Variants in PLAA observed in about 807,000 individuals in gnomAD.
PLAA encodes the protein phospholipase A2 activating protein.
A neutral mutation model predicts 84.1 loss-of-function variants in PLAA; 48 were observed. The observed-to-expected ratio is 0.57, with a 90% CI of 0.45 to 0.73. The LOEUF (loss-of-function observed/expected upper bound fraction) is 0.73, where lower values mean the gene tolerates loss of function less well. Ranked by LOEUF, PLAA falls within the 30% of genes least tolerant of loss-of-function variation. The probability of loss-of-function intolerance (pLI) is 0.00; values close to 1 mark genes in which losing one functional copy is unlikely to be tolerated. For missense variants in PLAA, 903 were observed against 954.7 expected (o/e 0.95, Z 0.71); for synonymous variants, 392 against 336.6 (o/e 1.16, Z -1.80).
At chr9:26,922,681 T>G (rs1280447372) in intron 7 of PLAA, among the ~76,000 whole-genome samples, 1 of 151,862 alleles carries the variant, frequency 6.6e-6, no homozygotes, top group Non-Finnish European at 1.5e-5. Flanking sequence ...TTTTTTTTTT[T>G]TTTGAGACAG....
At chr9:26,942,820 A>C (rs745428344) in intron 1 of PLAA, among the ~76,000 whole-genome samples, 4 of 144,672 alleles carry the variant, frequency 2.8e-5, no homozygotes, top group Non-Finnish European at 6.0e-5. Context: ...CGGGGCTTGC[A>C]GTGAGCCGAG....
intron 2 of PLAA, among the ~76,000 whole-genome samples, chr9:26,932,125 G>C (rs1194103993): frequency 6.6e-6 from 1 of 152,066 alleles, no homozygotes; most frequent in African/African-American, 2.4e-5. Context: ...AAACAAAACA[G>C]ATGTGGACCT....
At chr9:26,909,871 G>A (rs938435402) in intron 12 of PLAA, among the ~76,000 whole-genome samples, 24 of 152,230 alleles carry the variant, frequency 1.6e-4, no homozygotes, top group Admixed American at 1.4e-3. Flanking sequence ...CAGTCCGCCC[G>A]CCTTGGCCTC....
At chr9:26,922,455 T>C (rs1290575627) in intron 7 of PLAA, among the ~76,000 whole-genome samples, 1 of 151,984 alleles carries the variant, frequency 6.6e-6, no homozygotes, top group African/African-American at 2.4e-5. Flanking sequence ...AAATAATATC[T>C]AGTATTACAA....
At position 26,905,493 on chromosome 9, in the gene PLAA, C is replaced by T. The variant is rs749584113; in HGVS notation, c.*18G>A. ...AAAACACTAATCAATTAAAAATATC[C>T]GTCCCTCTTCCCCACTGCTACAGCA... On this transcript the variant is annotated 3_prime_UTR_variant, in exon 14 of 14. Transcript: ENST00000397292. The T allele has an allele frequency of 1.3e-5, 20 of 1,529,066 alleles. No homozygotes were observed. Among genetic ancestry groups the T allele is most frequent in the Admixed American group, 3.8e-5 (2 of 52,010 alleles). The allele number at this position is 1,529,066 out of a possible 1,614,324, so 94.7% of individuals were successfully genotyped here.
In PLAA at chr9:26,919,306, T is replaced by C. The variant is rs1207860422; in HGVS notation, c.1417+4A>G. On this transcript the variant is annotated splice_donor_region_variant and intron_variant, in intron 9 of 13. Transcript: ENST00000397292. The stretch of plus-strand genomic sequence containing the variant: ...CATAAGACTCAATATAAACACTAAC[T>C]TACCTGTAAATGGATCTGAAAAGCT... 1.9e-6 allele frequency: 3 copies of C among 1,589,212 alleles called. No individual in the cohort carries two copies. The highest frequency in any genetic ancestry group is 2.6e-6 in the Non-Finnish European group (3 of 1,161,748).
Position 26,915,966 on chromosome 9 carries a change from C to A in PLAA, c.1486+1131G>T, listed in dbSNP as rs1309073574. ...TTATCTACTCTTCAGATCCTTACTA[C>A]CATTTGAAATCACATTATGTTATCA... On this transcript the variant is annotated intron_variant, in intron 10 of 13. Coordinates refer to ENST00000397292, the MANE Select transcript of PLAA (RefSeq NM_001031689.3). 4.1e-6 allele frequency: 4 copies of A among 985,286 alleles called. No individual in the cohort carries two copies. In the African/African-American group the frequency reaches 7.0e-5, roughly 17 times the overall value. 61.0% of individuals were successfully genotyped at this position (985,286 alleles called of 1,614,324 possible).
rs532208435 is a variant in PLAA at position 26,903,806 on chromosome 9, T to C, written c.*1705A>G. Among the ~76,000 whole-genome samples the C allele has an allele frequency of 4.6e-5, 7 of 152,178 alleles. No homozygotes were observed. The highest frequency in any genetic ancestry group is 8.8e-5 in the Non-Finnish European group (6 of 68,018). On this transcript the variant is annotated 3_prime_UTR_variant, in exon 14 of 14. Transcript: ENST00000397292. ...ACAGTAATAGGAAGCAGTGTTTACATTTTGCCACCCCTTACATTTTGAAGA... is the reference window on the plus strand; with the variant it reads ...ACAGTAATAGGAAGCAGTGTTTACACTTTGCCACCCCTTACATTTTGAAGA...
At chr9:26,911,825 A>G (rs779129514) in intron 11 of PLAA, among the ~76,000 whole-genome samples, 12 of 152,264 alleles carry the variant, frequency 7.9e-5, no homozygotes, top group Non-Finnish European at 1.6e-4. Context: ...AAAAATATGA[A>G]TAAAAGATTT....
At chr9:26,919,560 G>T in intron 8 of PLAA, 31 bp from the exon 9 acceptor site, 1 of 1,140,638 alleles carries the variant, frequency 8.8e-7, no homozygotes, top group Non-Finnish European at 1.3e-6. Context: ...GGAGATACAT[G>T]CTTATTATCT....
chr9:26,943,998 T>TC (rs1441795046), intron 1 of PLAA, among the ~76,000 whole-genome samples: 1 of 152,046 alleles, frequency 6.6e-6, no homozygotes, highest in Non-Finnish European at 1.5e-5. Flanking sequence ...CCTGAACGTG[T>TC]CCCCCAAAGT....
intron 1 of PLAA, 117 bp from the exon 2 acceptor site, chr9:26,935,323 T>C: frequency 1.9e-6 from 1 of 524,418 alleles, no homozygotes; most frequent in South Asian, 4.3e-5. Flanking sequence ...GTATATACTA[T>C]CTTAAGAATC....
chr9:26,941,303 T>C (rs976328660), intron 1 of PLAA, among the ~76,000 whole-genome samples: 2 of 152,056 alleles, frequency 1.3e-5, no homozygotes, highest in African/African-American at 4.8e-5. Flanking sequence ...GACATAAGGA[T>C]AGTTGAGTCT....
At chr9:26,939,671 A>G (rs1825470365) in intron 1 of PLAA, among the ~76,000 whole-genome samples, 1 of 152,044 alleles carries the variant, frequency 6.6e-6, no homozygotes, top group Admixed American at 6.5e-5. Context: ...TTTAGATCCA[A>G]AGACACAAAT....
At chr9:26,934,737 C>T (rs1825304304) in intron 2 of PLAA, among the ~76,000 whole-genome samples, 1 of 152,060 alleles carries the variant, frequency 6.6e-6, no homozygotes, top group Non-Finnish European at 1.5e-5. Flanking sequence ...TCTCACCCTC[C>T]CAAAGTGCTG....
intron 12 of PLAA, among the ~76,000 whole-genome samples, chr9:26,909,615 TTC>T (rs962822259): frequency 2.0e-5 from 3 of 150,600 alleles, no homozygotes; most frequent in African/African-American, 7.4e-5. Context: ...GCAGATTAAT[TTC>T]TTTTTTTTTT....
At chr9:26,910,615 T>A (rs1014600280) in intron 11 of PLAA, among the ~76,000 whole-genome samples, 176 bp from the exon 12 acceptor site, 1 of 151,684 alleles carries the variant, frequency 6.6e-6, no homozygotes, top group African/African-American at 2.4e-5. Context: ...TTATATTTAT[T>A]GATATAATAT....
At chr9:26,930,846 G>A (rs1039865135) in intron 2 of PLAA, among the ~76,000 whole-genome samples, 1 of 151,776 alleles carries the variant, frequency 6.6e-6, no homozygotes, top group Admixed American at 6.6e-5. Context: ...GCCTCCCAAA[G>A]TGCTGGGATT....
chr9:26,946,042 CCAAA>C (rs1466191221), intron 1 of PLAA, among the ~76,000 whole-genome samples: 1 of 152,110 alleles, frequency 6.6e-6, no homozygotes, highest in Admixed American at 6.5e-5. Context: ...CTCCAGTATC[CCAAA>C]CAAAGAGGAG....
Sources: allele counts gnomAD v4.1 joint callset (sites outside exome capture counted in the v4.1 genomes callset), GRCh38; gene constraint gnomAD v4.1.1; transcripts MANE v1.5; gene names NCBI Gene and HGNC (gene_info 2026-07-23, HGNC 2026-07-21).